Variants in ADAM32 observed in about 807,000 individuals in gnomAD.
ADAM32 encodes ADAM metallopeptidase domain 32, also known as disintegrin and metalloproteinase domain-containing protein 32.
A neutral mutation model predicts 114.9 loss-of-function variants in ADAM32; 89 were observed. The observed-to-expected ratio is 0.77, with a 90% confidence interval of 0.65 to 0.92. ADAM32 has a LOEUF of 0.92. ADAM32 is among the 40% of genes least tolerant of loss of function. ADAM32 has a pLI of 0.00. For synonymous variants in ADAM32, 285 were observed against 307.5 expected (o/e 0.93, Z 0.77); for missense variants, 870 against 932.8 (o/e 0.93, Z 0.88).
At chr8:39,156,528 G>C (rs1804161452) in intron 6 of ADAM32, among the ~76,000 whole-genome samples, 1 of 152,134 alleles carries the variant, frequency 6.6e-6, no homozygotes. Flanking sequence ...ACTGTTTTGT[G>C]TGCTTTCATT....
chr8:39,133,495 G>A (rs1802589025), intron 2 of ADAM32, among the ~76,000 whole-genome samples: 1 of 152,270 alleles, frequency 6.6e-6, no homozygotes, highest in African/African-American at 2.4e-5. Flanking sequence ...CTACAGTGGT[G>A]GCAGTGGCAG....
chr8:39,123,856 G>T (rs899066391), intron 2 of ADAM32, among the ~76,000 whole-genome samples: 1 of 151,836 alleles, frequency 6.6e-6, no homozygotes, highest in Non-Finnish European at 1.5e-5. Flanking sequence ...ACAGGCACAC[G>T]CCATGACACC....
intron 4 of ADAM32, among the ~76,000 whole-genome samples, chr8:39,148,722 A>G (rs1344403040): frequency 1.3e-5 from 2 of 152,192 alleles, no homozygotes; most frequent in African/African-American, 4.8e-5. Context: ...CTTACATTGG[A>G]TGGGATCATC....
At chr8:39,259,290 G>A (rs753459154) in intron 19 of ADAM32, among the ~76,000 whole-genome samples, 8 of 151,528 alleles carry the variant, frequency 5.3e-5, no homozygotes, top group Admixed American at 6.6e-5. Flanking sequence ...ACCTTAGCTC[G>A]CCGGGTTCAA....
intron 20 of ADAM32, among the ~76,000 whole-genome samples, chr8:39,271,438 C>A (rs1421560168): frequency 2.4e-5 from 3 of 127,118 alleles, no homozygotes; most frequent in South Asian, 2.5e-4. Context: ...TCTCATGAGA[C>A]AATCAATGCT....
Position 39,117,048 on chromosome 8 carries a change from C to T in ADAM32, c.59-1038C>T, listed in dbSNP as rs914625214. 2.0e-5 allele frequency among the ~76,000 whole-genome samples: 3 copies of T among 152,066 alleles called. No homozygotes were observed. In the East Asian group the frequency reaches 5.8e-4, roughly 29 times the overall value. Reference sequence around the variant, plus strand: ...ACATGCACATGCCACCATGCCCGGCCAATGTTTGTATTTTCAGTAGAGACG... The same window carrying T: ...ACATGCACATGCCACCATGCCCGGCTAATGTTTGTATTTTCAGTAGAGACG... On this transcript the variant is annotated intron_variant, in intron 1 of 24. Coordinates refer to ENST00000379907, the MANE Select transcript of ADAM32 (RefSeq NM_145004.7).
At chr8:39,185,342 C>CAA (rs756245837) in intron 10 of ADAM32, among the ~76,000 whole-genome samples, 2 of 11,940 alleles carry the variant, frequency 1.7e-4, no homozygotes, top group Non-Finnish European at 3.5e-4. Context: ...CTCCAGTCTA[C>CAA]AAAAAAAAAA....
At chr8:39,260,400 G>A in intron 19 of ADAM32, among the ~76,000 whole-genome samples, 1 of 151,940 alleles carries the variant, frequency 6.6e-6, no homozygotes, top group Non-Finnish European at 1.5e-5. Context: ...TTTTATTCTT[G>A]ATCTTAGGCC....
rs1336078152 is a variant in ADAM32 at position 39,126,946 on chromosome 8, G to A, written c.138+8781G>A. 3.9e-5 allele frequency among the ~76,000 whole-genome samples: 6 copies of A among 152,122 alleles called. No individual in the cohort carries two copies. The East Asian group carries it at 1.2e-3, about 29-fold the overall frequency. ...GATAATCATGTGGTTTTTGTCTTTAGTTCTGTGTATGTGATGAATCACACT... is the reference window on the plus strand; with the variant it reads ...GATAATCATGTGGTTTTTGTCTTTAATTCTGTGTATGTGATGAATCACACT... On this transcript the variant is annotated intron_variant, in intron 2 of 24. Coordinates refer to ENST00000379907, the MANE Select transcript of ADAM32 (RefSeq NM_145004.7).
At chr8:39,163,422 G>A (rs1377816055) in intron 7 of ADAM32, among the ~76,000 whole-genome samples, 1 of 151,742 alleles carries the variant, frequency 6.6e-6, no homozygotes, top group Non-Finnish European at 1.5e-5. Context: ...TAATCATTTT[G>A]GTAATAGTGT....
At position 39,152,480 on chromosome 8, in the gene ADAM32, G is replaced by A. The variant is rs903438408; in HGVS notation, c.525+932G>A. Among the ~76,000 whole-genome samples the A allele has an allele frequency of 5.3e-5, 8 of 152,096 alleles. No individual in the cohort carries two copies. The East Asian group carries it at 1.4e-3, about 26-fold the overall frequency. On this transcript the variant is annotated intron_variant, in intron 6 of 24. Coordinates refer to ENST00000379907, the MANE Select transcript of ADAM32 (RefSeq NM_145004.7). ...CTCACACCTGTAATCCCAGCACTTT[G>A]GGAGCCCAAGTTGGGTGGATCTCCT...
At chr8:39,115,679 AT>A (rs975200043) in intron 1 of ADAM32, among the ~76,000 whole-genome samples, 7 of 151,746 alleles carry the variant, frequency 4.6e-5, no homozygotes, top group Non-Finnish European at 7.4e-5. Flanking sequence ...TATTTTCTGC[AT>A]TCTGCAGGTT....
At chr8:39,210,622 C>G (rs990186005) in intron 11 of ADAM32, among the ~76,000 whole-genome samples, 1 of 152,164 alleles carries the variant, frequency 6.6e-6, no homozygotes, top group Non-Finnish European at 1.5e-5. Context: ...TCTTCCTTGC[C>G]TTACAGATGT....
intron 19 of ADAM32, among the ~76,000 whole-genome samples, chr8:39,265,013 G>T (rs566617342): frequency 6.6e-6 from 1 of 152,066 alleles, no homozygotes; most frequent in African/African-American, 2.4e-5. Context: ...GTCAAGTGCC[G>T]CGTTAAGTCC....
At chr8:39,277,749 T>C (rs1275392454) in intron 22 of ADAM32, among the ~76,000 whole-genome samples, 3 of 152,210 alleles carry the variant, frequency 2.0e-5, no homozygotes, top group Non-Finnish European at 4.4e-5. Context: ...GCCAGCACTT[T>C]TGGGCGCCGG....
rs753874993 is a variant in ADAM32 at position 39,254,502 on chromosome 8, C to T, written c.1991C>T (p.Pro664Leu). Residue 664 changes from proline (P) to leucine (L), a missense_variant, in exon 18 of 25, where the codon CCT (proline) becomes CTT (leucine). Coordinates refer to ENST00000379907, the MANE Select transcript of ADAM32 (RefSeq NM_145004.7). ...CGTTCCAAAGGATTTTCCATATTTC[C>T]TGAGGAAGATATGGGCAAGTATTTG... ...QIRSKGFSIF[P>L]EEDMGSIMER... 1 of 1,582,508 alleles carries T rather than the reference C, an allele frequency of 6.3e-7. No individual in the cohort carries two copies. Among genetic ancestry groups the T allele is most frequent in the South Asian group, 1.2e-5 (1 of 85,738 alleles).
intron 10 of ADAM32, among the ~76,000 whole-genome samples, chr8:39,174,276 T>G (rs1805375398): frequency 6.6e-6 from 1 of 152,214 alleles, no homozygotes; most frequent in Admixed American, 6.5e-5. Flanking sequence ...TGGTTGTAGG[T>G]GTGTGGTCTT....
chr8:39,168,849 A>C (rs1352038078), intron 9 of ADAM32: 1 of 152,200 alleles, frequency 6.6e-6, no homozygotes, highest in Non-Finnish European at 1.5e-5. Context: ...TATGAGGTAA[A>C]AAATATATTA....
At chr8:39,122,855 C>T (rs974010133) in intron 2 of ADAM32, among the ~76,000 whole-genome samples, 10 of 152,230 alleles carry the variant, frequency 6.6e-5, no homozygotes, top group Admixed American at 6.5e-4. Flanking sequence ...AGGCATGAGC[C>T]ACCACACCTG....
Sources: gnomAD v4.1 joint callset for allele counts (sites outside exome capture counted in the v4.1 genomes callset) on GRCh38, gnomAD v4.1.1 for gene constraint, MANE v1.5 for transcripts, NCBI Gene and HGNC (gene_info 2026-07-23, HGNC 2026-07-21) for gene names.